Variants in WSCD2 observed in about 807,000 individuals in gnomAD.
The protein encoded by WSCD2 is WSC domain sialate O sulfotransferase 2, also known as sialate:O-sulfotransferase 2.
A neutral mutation model predicts 55.7 loss-of-function variants in WSCD2; 28 were observed. That is an observed-to-expected ratio of 0.50 (90% CI 0.37 to 0.69). WSCD2 has a LOEUF of 0.69. Ranked by LOEUF, WSCD2 falls within the 30% of genes least tolerant of loss-of-function variation. The probability of loss-of-function intolerance (pLI) is 0.00; values close to 1 mark genes in which losing one functional copy is unlikely to be tolerated. For missense variants in WSCD2, 616 were observed against 762.1 expected (o/e 0.81, Z 2.26); for synonymous variants, 301 against 301.9 (o/e 1.00, Z 0.03).
At chr12:108,174,413 T>C (rs1285389930) in intron 1 of WSCD2, among the ~76,000 whole-genome samples, 1 of 152,020 alleles carries the variant, frequency 6.6e-6, no homozygotes, top group Non-Finnish European at 1.5e-5. Context: ...TTAGAGACAA[T>C]CATGGATTTT....
Position 108,210,340 on chromosome 12 carries a change from C to T in WSCD2, c.682+35C>T, listed in dbSNP as rs1885994353. On this transcript the variant is annotated intron_variant, in intron 4 of 8. Transcript: ENST00000547525. This position sits in a 1 kb window ranked among gnomAD's most constrained non-coding sequence, Gnocchi z 4.3. ...TCTGCCCTGCCCCTCTCTGCTGCTC[C>T]TCCCTCAGCTGCAGCCCTTGCCCAC... The T allele has an allele frequency of 6.5e-7, 1 of 1,532,962 alleles. No individual in the cohort carries two copies. The highest frequency in any genetic ancestry group is 1.4e-5 in the African/African-American group (1 of 73,344). The allele number at this position is 1,532,962 out of a possible 1,614,324, so 95.0% of individuals were successfully genotyped here. A position where few individuals can be genotyped will look rare whatever the true frequency, so the allele number is the denominator to read the frequency against.
intron 8 of WSCD2, among the ~76,000 whole-genome samples, chr12:108,241,221 C>T (rs1245565848): frequency 2.6e-5 from 4 of 152,166 alleles, no homozygotes; most frequent in Non-Finnish European, 4.4e-5. Context: ...AAGCATGGAA[C>T]GTACTAAGAT....
chr12:108,168,687 T>G (rs1169257247), intron 1 of WSCD2, among the ~76,000 whole-genome samples: 1 of 152,250 alleles, frequency 6.6e-6, no homozygotes, highest in African/African-American at 2.4e-5. Context: ...AACATAGGGC[T>G]GGGCTCAGCA....
At chr12:108,130,002 T>C (rs919500775) in intron 1 of WSCD2, 76 bp downstream of exon 1, 1 of 152,294 alleles carries the variant, frequency 6.6e-6, no homozygotes, top group Non-Finnish European at 1.5e-5. Flanking sequence ...CGAAATGTCT[T>C]CTGCCCCTAG....
intron 1 of WSCD2, among the ~76,000 whole-genome samples, chr12:108,155,361 A>T (rs1878411252): frequency 6.6e-6 from 1 of 152,188 alleles, no homozygotes; most frequent in East Asian, 1.9e-4. Context: ...TGCATACACC[A>T]ATCAGGGCTC....
intron 1 of WSCD2, among the ~76,000 whole-genome samples, chr12:108,134,132 C>T (rs890037452): frequency 4.6e-5 from 7 of 152,148 alleles, no homozygotes; most frequent in African/African-American, 9.7e-5. Flanking sequence ...ACCTTGAGGT[C>T]AGGAGCTGGT....
At chr12:108,204,235 T>A (rs555869866) in intron 2 of WSCD2, among the ~76,000 whole-genome samples, 61 of 152,120 alleles carry the variant, frequency 4.0e-4, no homozygotes, top group South Asian at 6.3e-4. Context: ...TCTCTCTCTC[T>A]CTCACACACA....
At chr12:108,155,938 G>A (rs1878461310) in intron 1 of WSCD2, among the ~76,000 whole-genome samples, 1 of 152,206 alleles carries the variant, frequency 6.6e-6, no homozygotes. Context: ...GAAGTGGCAT[G>A]TTGAGTTCTT....
intron 1 of WSCD2, among the ~76,000 whole-genome samples, chr12:108,156,552 T>C (rs1448978388): frequency 1.3e-5 from 2 of 152,140 alleles, no homozygotes; most frequent in African/African-American, 4.8e-5. Flanking sequence ...GTCTATATAT[T>C]TAAGGAGCCA....
At chr12:108,202,804 C>T (rs1019286682) in intron 2 of WSCD2, among the ~76,000 whole-genome samples, 11 of 152,160 alleles carry the variant, frequency 7.2e-5, no homozygotes, top group Admixed American at 1.3e-4. Flanking sequence ...AACCTCGTGA[C>T]ACGAGTTTAC....
chr12:108,167,934 A>G (rs1038067418), intron 1 of WSCD2, among the ~76,000 whole-genome samples: 3 of 152,226 alleles, frequency 2.0e-5, no homozygotes, highest in Admixed American at 6.5e-5. Flanking sequence ...GAGAGCATCA[A>G]TGCTAGAAGA....
At chr12:108,214,996 T>C (rs946642413) in intron 4 of WSCD2, among the ~76,000 whole-genome samples, 3 of 152,218 alleles carry the variant, frequency 2.0e-5, no homozygotes, top group African/African-American at 7.2e-5. Context: ...CTCAGATGAT[T>C]AGGGGACAGT....
At position 108,155,985 on chromosome 12, in the gene WSCD2, C is replaced by G. The variant is rs7132506; in HGVS notation, c.-552+26059C>G. Among the ~76,000 whole-genome samples, 15 of 152,310 alleles carry G rather than the reference C, an allele frequency of 9.8e-5. No individual in the cohort carries two copies. In the South Asian group the frequency reaches 2.7e-3, roughly 27 times the overall value. On this transcript the variant is annotated intron_variant, in intron 1 of 8. Coordinates refer to ENST00000547525, the MANE Select transcript of WSCD2 (RefSeq NM_014653.4). ...TCGACACCACCCAGGCTGTGCCCCC[C>G]ACACACATACCAACGAGCCATCTGC... is the stretch of plus-strand genomic sequence containing the variant.
At chr12:108,156,790 A>C (rs1002033363) in intron 1 of WSCD2, among the ~76,000 whole-genome samples, 2 of 152,190 alleles carry the variant, frequency 1.3e-5, no homozygotes, top group African/African-American at 4.8e-5. Context: ...CAGATGGATG[A>C]ATTTCTCCCT....
chr12:108,195,705 C>A lies in WSCD2; in HGVS notation c.-128C>A. On this transcript the variant is annotated 5_prime_UTR_variant, in exon 2 of 9. Coordinates refer to ENST00000547525, the MANE Select transcript of WSCD2 (RefSeq NM_014653.4). ...CTTCTGGCCTTGGTGATCACTTTTT[C>A]AGGAAGAGTGAGACTGAGGACCCCC... The A allele has an allele frequency of 7.5e-7, 1 of 1,329,744 alleles. No individual in the cohort carries two copies. The highest frequency in any genetic ancestry group is 1.0e-6 in the Non-Finnish European group (1 of 987,958). The allele number at this position is 1,329,744 out of a possible 1,614,324, so 82.4% of individuals were successfully genotyped here.
chr12:108,162,715 T>A (rs1288422745), intron 1 of WSCD2, among the ~76,000 whole-genome samples: 2 of 152,162 alleles, frequency 1.3e-5, no homozygotes, highest in Non-Finnish European at 2.9e-5. Flanking sequence ...CTGGAGGGGC[T>A]GGGAGTAAGG....
chr12:108,238,820 A>G (rs566767847), intron 7 of WSCD2, among the ~76,000 whole-genome samples: 1 of 152,228 alleles, frequency 6.6e-6, no homozygotes, highest in Non-Finnish European at 1.5e-5. Flanking sequence ...AGGGGCACTT[A>G]GAGGGTGAAG....
intron 1 of WSCD2, among the ~76,000 whole-genome samples, chr12:108,166,752 C>CTT (rs1263857462): frequency 6.2e-5 from 3 of 48,424 alleles, no homozygotes; most frequent in Non-Finnish European, 1.1e-4. Flanking sequence ...TTCCTTCTTT[C>CTT]TTTCTTTCTT....
At chr12:108,175,233 A>T (rs1022522289) in intron 1 of WSCD2, among the ~76,000 whole-genome samples, 7 of 152,236 alleles carry the variant, frequency 4.6e-5, no homozygotes, top group Non-Finnish European at 1.0e-4. Context: ...AGCACCGGAC[A>T]GTTCCCCTCA....
Sources: gnomAD v4.1 joint callset for allele counts (sites outside exome capture counted in the v4.1 genomes callset) on GRCh38, gnomAD v4.1.1 for gene constraint, Gnocchi (gnomAD v3.1) non-coding constraint, MANE v1.5 for transcripts, NCBI Gene and HGNC (gene_info 2026-07-23, HGNC 2026-07-21) for gene names.